Variants in MOSMO observed in about 807,000 individuals in gnomAD.
MOSMO encodes modulator of smoothened.
MOSMO carries 5 observed loss-of-function variants against 18.4 expected under a neutral mutation model. The observed-to-expected ratio is 0.27, with a 90% CI of 0.14 to 0.57. The LOEUF (loss-of-function observed/expected upper bound fraction) is 0.57, where lower values mean the gene tolerates loss of function less well. Among genes scored for constraint, MOSMO ranks in the 20% least tolerant of loss-of-function variants. MOSMO has a pLI of 0.92. For missense variants in MOSMO, 138 were observed against 211.8 expected (o/e 0.65, Z 2.16); for synonymous variants, 82 against 82.3 (o/e 1.00, Z 0.02).
chr16:22,080,612 C>T (rs2141787444), intron 2 of MOSMO, 84 bp from the exon 3 acceptor site: 1 of 858,904 alleles, frequency 1.2e-6, no homozygotes, highest in South Asian at 2.3e-5. Context: ...GCCCTTCTTA[C>T]AAGCTTCCTT....
At chr16:22,039,881 T>C (rs1900178055) in intron 1 of MOSMO, among the ~76,000 whole-genome samples, 1 of 152,134 alleles carries the variant, frequency 6.6e-6, no homozygotes, top group African/African-American at 2.4e-5. Context: ...ATGACTGCAA[T>C]TACCTTGCTT....
chr16:22,034,745 T>TG (rs1900070906), intron 1 of MOSMO, among the ~76,000 whole-genome samples: 2 of 61,952 alleles, frequency 3.2e-5, no homozygotes, highest in East Asian at 2.5e-3. Context: ...TTTTTTTGGG[T>TG]TTTTTTTTTT....
chr16:22,034,749 T>G (rs1387361689), intron 1 of MOSMO, among the ~76,000 whole-genome samples: 3 of 128,724 alleles, frequency 2.3e-5, no homozygotes, highest in South Asian at 2.5e-4. Flanking sequence ...TTTGGGTTTT[T>G]TTTTTTTTTT....
intron 1 of MOSMO, among the ~76,000 whole-genome samples, chr16:22,021,810 T>A (rs1899769777): frequency 6.6e-6 from 1 of 151,612 alleles, no homozygotes. Flanking sequence ...AAAAAAAATA[T>A]ATATATATAG....
intron 1 of MOSMO, among the ~76,000 whole-genome samples, chr16:22,074,193 G>A (rs906483247): frequency 6.6e-6 from 1 of 152,166 alleles, no homozygotes; most frequent in Non-Finnish European, 1.5e-5. Context: ...AATTTCACCA[G>A]TTCCCTTCAC....
intron 1 of MOSMO, among the ~76,000 whole-genome samples, chr16:22,020,817 T>C (rs1286774945): frequency 6.6e-6 from 1 of 152,234 alleles, no homozygotes; most frequent in Non-Finnish European, 1.5e-5. Context: ...TTTCTTATTC[T>C]TGATCGGTTT....
chr16:22,028,329 A>G (rs183262770), intron 1 of MOSMO, among the ~76,000 whole-genome samples: 165 of 151,142 alleles, frequency 1.1e-3, no homozygotes, highest in South Asian at 0.011. Flanking sequence ...GGATAGGGCT[A>G]CTGGACCCTG....
chr16:22,026,800 T>C (rs549326086), intron 1 of MOSMO, among the ~76,000 whole-genome samples: 1 of 152,308 alleles, frequency 6.6e-6, no homozygotes, highest in East Asian at 1.9e-4. Flanking sequence ...GAAGAAAATA[T>C]GTAAATAACT....
At chr16:22,043,167 C>T (rs1454797426) in intron 1 of MOSMO, among the ~76,000 whole-genome samples, 1 of 152,178 alleles carries the variant, frequency 6.6e-6, no homozygotes, top group African/African-American at 2.4e-5. Context: ...AATTTTTCAT[C>T]TGTTTCTGTG....
chr16:22,025,673 C>A (rs1044481301), intron 1 of MOSMO, among the ~76,000 whole-genome samples: 2 of 152,146 alleles, frequency 1.3e-5, no homozygotes, highest in Non-Finnish European at 2.9e-5. Context: ...GGGATATAAC[C>A]TAAGGACAAA....
chr16:22,079,036 A>T (rs1398421367), intron 2 of MOSMO, among the ~76,000 whole-genome samples: 2 of 152,334 alleles, frequency 1.3e-5, no homozygotes, highest in African/African-American at 2.4e-5. Context: ...TCGTACAAGT[A>T]AGAGTGCTGT....
chr16:22,062,093 C>T (rs1900655381), intron 1 of MOSMO, among the ~76,000 whole-genome samples: 1 of 152,094 alleles, frequency 6.6e-6, no homozygotes, highest in African/African-American at 2.4e-5. Flanking sequence ...TTGCTTTCCT[C>T]ATATTTGTGA....
At position 22,080,705 on chromosome 16, in the gene MOSMO, T is replaced by C; in HGVS notation, c.329T>C (p.Phe110Ser). The C allele has an allele frequency of 6.7e-7, 1 of 1,490,964 alleles. No homozygotes were observed. The highest frequency in any genetic ancestry group is 1.3e-5 in the South Asian group (1 of 76,786). 92.4% of individuals were successfully genotyped at this position (1,490,964 alleles called of 1,614,324 possible). Residue 110 changes from phenylalanine to serine, a missense_variant, in exon 3 of 3, where the codon TTC (phenylalanine) becomes TCC (serine). Coordinates refer to ENST00000542527, the MANE Select transcript of MOSMO (RefSeq NM_001164579.2). ...TTGGTTTGTTTTACAGTGATCCTTT[T>C]CTGTATGGCTGCCCTAATATTTCCA... is the stretch of plus-strand genomic sequence containing the variant. ...RWIAFTGMILFCMAALIFPIG... is the reference protein window; with the variant it reads ...RWIAFTGMILSCMAALIFPIG...
intron 1 of MOSMO, among the ~76,000 whole-genome samples, chr16:22,051,227 A>T (rs924585486): frequency 6.6e-6 from 1 of 152,078 alleles, no homozygotes; most frequent in Non-Finnish European, 1.5e-5. Context: ...TCTCTAATTA[A>T]AAATACAAAA....
rs533582923 is a variant in MOSMO, at chr16:22,073,732, G to T, written c.107-1755G>T. On this transcript the variant is annotated intron_variant, in intron 1 of 2. Transcript: ENST00000542527. ...TTTTTTACTGATTTACTTCTCTTTGGCCTATGAAGTCAATCAGCTCCAAGT... is the reference window on the plus strand; with the variant it reads ...TTTTTTACTGATTTACTTCTCTTTGTCCTATGAAGTCAATCAGCTCCAAGT... Among the ~76,000 whole-genome samples, 4 of 150,790 alleles carry T rather than the reference G, an allele frequency of 2.7e-5. No individual in the cohort carries two copies. In the South Asian group the frequency reaches 8.4e-4, roughly 32 times the overall value.
intron 1 of MOSMO, among the ~76,000 whole-genome samples, chr16:22,066,883 G>A (rs1044841865): frequency 3.3e-5 from 5 of 152,060 alleles, no homozygotes; most frequent in Admixed American, 6.5e-5. Context: ...CTATACACAG[G>A]AAAAATAAAA....
intron 1 of MOSMO, among the ~76,000 whole-genome samples, chr16:22,074,693 GA>G (rs1403953114): frequency 6.6e-6 from 1 of 152,148 alleles, no homozygotes; most frequent in Non-Finnish European, 1.5e-5. Flanking sequence ...CATCCTTATG[GA>G]AAAATAATGC....
intron 1 of MOSMO, among the ~76,000 whole-genome samples, chr16:22,038,799 G>A (rs1251991703): frequency 6.6e-6 from 1 of 152,176 alleles, no homozygotes; most frequent in Non-Finnish European, 1.5e-5. Context: ...TTTTAATGAT[G>A]CCAATCTTAC....
At chr16:22,020,387 C>T (rs747201100) in intron 1 of MOSMO, among the ~76,000 whole-genome samples, 20 of 149,626 alleles carry the variant, frequency 1.3e-4, no homozygotes, top group Non-Finnish European at 2.7e-4. Flanking sequence ...CTCCGCCTCC[C>T]GGGTTCAAGT....
Sources: gnomAD v4.1 joint callset for allele counts (sites outside exome capture counted in the v4.1 genomes callset) on GRCh38, gnomAD v4.1.1 for gene constraint, MANE v1.5 for transcripts, NCBI Gene and HGNC (gene_info 2026-07-23, HGNC 2026-07-21) for gene names.